NOS1AP: variants seen among roughly 807,000 people sequenced by gnomAD.
The protein encoded by NOS1AP is carboxyl-terminal PDZ ligand of neuronal nitric oxide synthase protein.
In NOS1AP, 21 loss-of-function variants were observed where a neutral mutation model predicts 56.2. That is an observed-to-expected ratio of 0.37 (90% CI 0.26 to 0.54). The LOEUF (loss-of-function observed/expected upper bound fraction) is 0.54. Ranked by LOEUF, NOS1AP falls within the 20% of genes least tolerant of loss-of-function variation. The pLI is 0.84. For synonymous variants in NOS1AP, 270 were observed against 274.6 expected (o/e 0.98, Z 0.17); for missense variants, 522 against 657.8 (o/e 0.79, Z 2.26).
At chr1:162,263,793 C>A (rs1185901147) in intron 2 of NOS1AP, among the ~76,000 whole-genome samples, 2 of 152,260 alleles carry the variant, frequency 1.3e-5, no homozygotes, top group Admixed American at 1.3e-4. Context: ...CACTGTGTCC[C>A]AAATCAAACT....
At chr1:162,182,010 C>G (rs1651280523) in intron 2 of NOS1AP, among the ~76,000 whole-genome samples, 1 of 152,172 alleles carries the variant, frequency 6.6e-6, no homozygotes, top group Non-Finnish European at 1.5e-5. Flanking sequence ...CACAGTGCTT[C>G]TATTTACATT....
chr1:162,270,386 T>C (rs543027196), intron 2 of NOS1AP, among the ~76,000 whole-genome samples: 2 of 152,294 alleles, frequency 1.3e-5, no homozygotes, highest in East Asian at 3.9e-4. Flanking sequence ...GAATTTACAG[T>C]GTGGTTGAGA....
rs116367825 is a variant in NOS1AP at position 162,315,718 on chromosome 1, A to G, written c.344+15012A>G. Among the ~76,000 whole-genome samples, 795 of 152,302 alleles carry G rather than the reference A, an allele frequency of 5.2e-3. 9 individuals carry two copies. The highest frequency in any genetic ancestry group is 0.018 in the African/African-American group (762 of 41,576). ...AGTCACCATGATCAAACCATGATTA[A>G]CTGAGGAGTCCTCTGTATTTGGCTT... On this transcript the variant is annotated intron_variant, in intron 4 of 9. Transcript: ENST00000361897.
At chr1:162,199,277 G>T (rs2102164156) in intron 2 of NOS1AP, among the ~76,000 whole-genome samples, 1 of 152,272 alleles carries the variant, frequency 6.6e-6, no homozygotes, top group Middle Eastern at 3.4e-3. Flanking sequence ...TAAAGAGTGG[G>T]GAAAAGAGGA....
At chr1:162,160,675 C>T (rs1361063913) in intron 2 of NOS1AP, among the ~76,000 whole-genome samples, 1 of 152,184 alleles carries the variant, frequency 6.6e-6, no homozygotes, top group Non-Finnish European at 1.5e-5. Context: ...CCCCCCTCAG[C>T]ACCATTTACT....
At chr1:162,309,301 T>G (rs1655949141) in intron 4 of NOS1AP, among the ~76,000 whole-genome samples, 1 of 152,118 alleles carries the variant, frequency 6.6e-6, no homozygotes, top group African/African-American at 2.4e-5. Flanking sequence ...AAACAAGAAA[T>G]CAGTTCTTAA....
At chr1:162,160,669 C>T (rs1451760358) in intron 2 of NOS1AP, among the ~76,000 whole-genome samples, 4 of 152,170 alleles carry the variant, frequency 2.6e-5, no homozygotes, top group Non-Finnish European at 5.9e-5. Context: ...AAGTGGCCCC[C>T]CTCAGCACCA....
At chr1:162,286,185 T>C (rs564996107) in intron 2 of NOS1AP, among the ~76,000 whole-genome samples, 7 of 152,364 alleles carry the variant, frequency 4.6e-5, no homozygotes, top group Admixed American at 4.6e-4. Context: ...TATGTTTTTA[T>C]CTCATTAGGA....
chr1:162,221,522 A>G (rs1373274609), intron 2 of NOS1AP, among the ~76,000 whole-genome samples: 5 of 58,964 alleles, frequency 8.5e-5, no homozygotes, highest in Admixed American at 5.3e-4. Flanking sequence ...ACACACACGC[A>G]CACACACGCG....
chr1:162,210,407 G>A (rs1045402947), intron 2 of NOS1AP, among the ~76,000 whole-genome samples: 5 of 152,172 alleles, frequency 3.3e-5, no homozygotes, highest in African/African-American at 1.2e-4. Context: ...GCCACCTTCT[G>A]TCTATCTCCC....
chr1:162,130,497 G>C (rs16856785), intron 1 of NOS1AP, among the ~76,000 whole-genome samples: 36,111 of 151,918 alleles, frequency 0.24, 8,087 homozygotes, highest in African/African-American at 0.6. Flanking sequence ...TTCTCAGGCA[G>C]TATCCCTGTG....
intron 1 of NOS1AP, among the ~76,000 whole-genome samples, chr1:162,112,803 G>A (rs1167827971): frequency 6.6e-6 from 1 of 152,148 alleles, no homozygotes; most frequent in East Asian, 1.9e-4. Context: ...AAATATAGAT[G>A]TGCATATGCC....
chr1:162,273,358 G>A (rs1223080376), intron 2 of NOS1AP, among the ~76,000 whole-genome samples: 1 of 151,992 alleles, frequency 6.6e-6, no homozygotes, highest in African/African-American at 2.4e-5. Context: ...GTAGAGACAG[G>A]GTTTCACTGT....
intron 1 of NOS1AP, among the ~76,000 whole-genome samples, chr1:162,078,428 G>C (rs1691818422): frequency 6.6e-6 from 1 of 152,126 alleles, no homozygotes; most frequent in Non-Finnish European, 1.5e-5. Context: ...GGGTACCTAT[G>C]ATGTCCAGGC....
intron 4 of NOS1AP, among the ~76,000 whole-genome samples, chr1:162,331,293 C>T (rs752510971): frequency 6.6e-6 from 1 of 152,026 alleles, no homozygotes; most frequent in Admixed American, 6.6e-5. Flanking sequence ...ACTACAGTCC[C>T]CAAGGTGAAC....
At chr1:162,311,427 AG>A (rs1198630999) in intron 4 of NOS1AP, among the ~76,000 whole-genome samples, 1 of 152,162 alleles carries the variant, frequency 6.6e-6, no homozygotes, top group Non-Finnish European at 1.5e-5. Context: ...AGTGAGTCTC[AG>A]TTAATACCTA....
intron 1 of NOS1AP, among the ~76,000 whole-genome samples, chr1:162,136,294 A>T (rs1014675522): frequency 2.0e-5 from 3 of 152,216 alleles, no homozygotes; most frequent in Admixed American, 1.3e-4. Flanking sequence ...TTTATTTTTT[A>T]ATGTATGGTG....
chr1:162,132,278 C>T (rs1223063447), intron 1 of NOS1AP, among the ~76,000 whole-genome samples: 1 of 152,162 alleles, frequency 6.6e-6, no homozygotes, highest in Non-Finnish European at 1.5e-5. Flanking sequence ...AGGTGACGCA[C>T]ATTGGAGGAA....
intron 1 of NOS1AP, among the ~76,000 whole-genome samples, chr1:162,129,237 G>A (rs1204428048): frequency 6.6e-6 from 1 of 151,954 alleles, no homozygotes; most frequent in East Asian, 1.9e-4. Flanking sequence ...AGGATTCTCT[G>A]TCCCCTCAAT....
Sources: allele counts gnomAD v4.1 joint callset (sites outside exome capture counted in the v4.1 genomes callset), GRCh38; gene constraint gnomAD v4.1.1; transcripts MANE v1.5; gene names NCBI Gene and HGNC (gene_info 2026-07-23, HGNC 2026-07-21).